The following IFT74 variants were observed in gnomAD, a reference collection of about 807,000 sequenced individuals.
IFT74 encodes intraflagellar transport protein 74 homolog.
Under a neutral mutation model 96.7 loss-of-function variants are expected in IFT74, and 92 were observed. The ratio of observed to expected loss-of-function variants is 0.95; its 90% CI spans 0.80 to 1.13. IFT74 has a LOEUF of 1.13. Ranked by LOEUF, IFT74 falls within the 50% of genes most tolerant of loss-of-function variation. IFT74 has a pLI of 0.00. For synonymous variants in IFT74, 223 were observed against 213.2 expected, an observed-to-expected ratio of 1.05 and a Z score of -0.40; for missense variants, 811 against 698.2, an observed-to-expected ratio of 1.16 and a Z score of -1.82.
In IFT74 at chr9:27,027,146, C is replaced by G. The variant is rs10967671; in HGVS notation, c.975-1879C>G. ...GAAACAAAATGGGAGATACTACAAC[C>G]AATACCACAGAAATACAAAAGACCA... On this transcript the variant is annotated intron_variant, in intron 12 of 19. Coordinates refer to ENST00000380062, the MANE Select transcript of IFT74 (RefSeq NM_025103.4). 5.7e-3 allele frequency among the ~76,000 whole-genome samples: 864 copies of G among 152,040 alleles called. 52 individuals carry two copies. In the East Asian group the frequency reaches 0.14, roughly 25 times the overall value.
chr9:27,038,687 A>T (rs1462937364), intron 13 of IFT74, among the ~76,000 whole-genome samples: 1 of 152,248 alleles, frequency 6.6e-6, no homozygotes, highest in Non-Finnish European at 1.5e-5. Context: ...CCTTACCAAC[A>T]AGGAACTCAA....
chr9:27,055,737 C>A lies in IFT74; in HGVS notation c.1462C>A (p.Pro488Thr). ...TTDLEIYNDL[P>T]ALKSSGEEKI... ...TGATCTGGAGATATATAATGATTTG[C>A]CAGCTTTAAAATCATCAGGTGAAGA... is the stretch of plus-strand genomic sequence containing the variant. Residue 488 changes from proline (P) to threonine (T), a missense_variant, in exon 17 of 20, where the codon CCA becomes ACA. Coordinates refer to ENST00000380062, the MANE Select transcript of IFT74 (RefSeq NM_025103.4). 6.4e-7 allele frequency: 1 copy of A among 1,559,990 alleles called. No homozygotes were observed. Among genetic ancestry groups the A allele is most frequent in the Non-Finnish European group, 8.6e-7 (1 of 1,159,162 alleles).
chr9:26,955,324 C>A (rs775653089), upstream of IFT74, among the ~76,000 whole-genome samples: 5 of 152,146 alleles, frequency 3.3e-5, no homozygotes, highest in Non-Finnish European at 7.3e-5. Context: ...GTCTCGGAAA[C>A]GATGTAGTTA....
At chr9:26,988,646 T>G (rs759757894) in intron 6 of IFT74, 23 bp from the exon 7 acceptor site, 41 of 1,532,592 alleles carry the variant, frequency 2.7e-5, no homozygotes, top group Non-Finnish European at 3.6e-5. Flanking sequence ...ATGGTGTTTG[T>G]TTGTTTGTAT....
At position 26,999,558 on chromosome 9, in the gene IFT74, T is replaced by C. The variant is rs897162426; in HGVS notation, c.587+9363T>C. 10 of 1,311,686 alleles carry C rather than the reference T, an allele frequency of 7.6e-6. No homozygotes were observed. The African/African-American group carries it at 1.1e-4, about 14-fold the overall frequency. The allele number at this position is 1,311,686 out of a possible 1,614,324, so 81.3% of individuals were successfully genotyped here. ...TATTGCCCTTTTATATTTTACTAAA[T>C]ATACAGAAAATGTACCTTTGAAAAT... On this transcript the variant is annotated intron_variant, in intron 8 of 19. Transcript: ENST00000380062.
At chr9:27,061,093 C>T (rs554144734) in intron 19 of IFT74, 1 of 183,222 alleles carries the variant, frequency 5.5e-6, no homozygotes, top group East Asian at 1.5e-4. Flanking sequence ...TGTACAAAAC[C>T]CTGGGCCAAA....
intron 2 of IFT74, among the ~76,000 whole-genome samples, chr9:26,975,211 G>T (rs1398284298): frequency 1.3e-5 from 2 of 152,136 alleles, no homozygotes; most frequent in African/African-American, 4.8e-5. Flanking sequence ...GTGTTGGTGG[G>T]TGTGGGTTGT....
chr9:26,957,216 A>G (rs1826151826), intron 1 of IFT74, among the ~76,000 whole-genome samples: 1 of 152,158 alleles, frequency 6.6e-6, no homozygotes, highest in Admixed American at 6.5e-5. Flanking sequence ...TCTTAATCCC[A>G]CTGGTAATAA....
rs188658311 is a variant in IFT74, at chr9:27,043,696, T to C, written c.1055-1046T>C. ...CCTTTTTCCCCATTTAGGTTAGTTG[T>C]ACTACCATCTTCTCAGATGCCCAAG... On this transcript the variant is annotated intron_variant, in intron 13 of 19. Transcript: ENST00000380062. Among the ~76,000 whole-genome samples the C allele has an allele frequency of 3.3e-5, 5 of 152,328 alleles. No homozygotes were observed. In the East Asian group the frequency reaches 9.6e-4, roughly 29 times the overall value.
intron 4 of IFT74, chr9:26,983,783 T>C (rs557947481): frequency 1.4e-5 from 2 of 147,350 alleles, no homozygotes; most frequent in East Asian, 2.0e-4. Context: ...ATTCTTTTTT[T>C]TTTTTTTTTT....
At position 27,036,683 on chromosome 9, in the gene IFT74, G is replaced by GA. The variant is rs971267912; in HGVS notation, c.1054+7589dup. 2,536 of 1,164,552 alleles carry GA rather than the reference G, an allele frequency of 2.2e-3. 1 individual carries two copies. The highest frequency in any genetic ancestry group is 5.9e-3 in the South Asian group (202 of 34,244). 72.1% of individuals were successfully genotyped at this position (1,164,552 alleles called of 1,614,324 possible). On this transcript the variant is annotated intron_variant, in intron 13 of 19. Coordinates refer to ENST00000380062, the MANE Select transcript of IFT74 (RefSeq NM_025103.4). ...ACTTGTGTTCACTCTTTGCTTCTGT[G>GA]AAAAAAAAAAGACTCCTAAAAATCA...
chr9:27,005,196 T>C (rs1828703254), intron 8 of IFT74, among the ~76,000 whole-genome samples: 1 of 152,150 alleles, frequency 6.6e-6, no homozygotes, highest in Admixed American at 6.5e-5. Flanking sequence ...GTAAGAAGAA[T>C]AGTTATCAGC....
intron 8 of IFT74, among the ~76,000 whole-genome samples, chr9:26,996,653 A>G (rs1247432039): frequency 6.6e-6 from 1 of 152,242 alleles, no homozygotes; most frequent in African/African-American, 2.4e-5. Context: ...TAATGAAAGA[A>G]TGATGCACAT....
intron 6 of IFT74, among the ~76,000 whole-genome samples, chr9:26,985,528 A>G (rs1440459738): frequency 1.3e-5 from 2 of 152,204 alleles, no homozygotes; most frequent in Non-Finnish European, 2.9e-5. Flanking sequence ...CAAATAGTAC[A>G]TGAATACATA....
intron 9 of IFT74, among the ~76,000 whole-genome samples, chr9:27,011,645 GTTT>G (rs56762171): frequency 1.3e-4 from 17 of 133,660 alleles, no homozygotes; most frequent in African/African-American, 2.1e-4. Context: ...AACTCATGAA[GTTT>G]TTTTTTTTTT....
chr9:27,062,497 A>T, intron 19 of IFT74, 121 bp from the exon 20 acceptor site: 1 of 593,598 alleles, frequency 1.7e-6, no homozygotes, highest in Non-Finnish European at 3.0e-6. Flanking sequence ...TGTATTTTAA[A>T]GTATTCTAAT....
chr9:27,005,363 C>CCCCCCCCCCCCCA (rs1828720313), intron 8 of IFT74, among the ~76,000 whole-genome samples: 1 of 99,076 alleles, frequency 1.0e-5, no homozygotes. Context: ...CCCCCCCCGC[C>CCCCCCCCCCCCCA]CCCCGCAAAA....
intron 13 of IFT74, among the ~76,000 whole-genome samples, chr9:27,040,074 G>A (rs1819393545): frequency 6.6e-6 from 1 of 152,176 alleles, no homozygotes; most frequent in Admixed American, 6.5e-5. Context: ...ATGTGATACA[G>A]CCTTGAAAAC....
At position 27,065,622 on chromosome 9, in the gene IFT74, C is replaced by T. The variant is rs1820582338; in HGVS notation, c.*2886C>T. 6.6e-6 allele frequency among the ~76,000 whole-genome samples: 1 copy of T among 152,080 alleles called. No individual in the cohort carries two copies. The highest frequency in any genetic ancestry group is 2.4e-5 in the African/African-American group (1 of 41,400). ...TCATTTTAAGGTACAAAATTCAGTG[C>T]CTGCTTAGAGGATTACAGCATGGAG... On this transcript the variant is annotated 3_prime_UTR_variant, in exon 20 of 20. Coordinates refer to ENST00000380062, the MANE Select transcript of IFT74 (RefSeq NM_025103.4).
Sources: allele counts gnomAD v4.1 joint callset (sites outside exome capture counted in the v4.1 genomes callset), GRCh38; gene constraint gnomAD v4.1.1; transcripts MANE v1.5; gene names NCBI Gene and HGNC (gene_info 2026-07-23, HGNC 2026-07-21).